Variants in LFNG observed in about 807,000 individuals in gnomAD.
The protein encoded by LFNG is LFNG O-fucosylpeptide 3-beta-N-acetylglucosaminyltransferase.
LFNG carries 15 observed loss-of-function variants against 32.7 expected under a neutral mutation model. The observed-to-expected ratio is 0.46, with a 90% confidence interval of 0.31 to 0.71. LFNG has a LOEUF of 0.71. LFNG is among the 30% of genes least tolerant of loss of function. The pLI is 0.06. For missense variants in LFNG, 520 were observed against 545.7 expected (o/e 0.95, Z 0.47); for synonymous variants, 274 against 246.8 (o/e 1.11, Z -1.03).
chr7:2,527,570 C>T lies in LFNG; in HGVS notation c.*358C>T, dbSNP rs1780031052. ...GGCTCCGGGCTACTTTGCAGGGATG[C>T]GATGCGTAGGTGCCTTTCTCTTCCT... On this transcript the variant is annotated 3_prime_UTR_variant, in exon 8 of 8. Coordinates refer to ENST00000222725, the MANE Select transcript of LFNG (RefSeq NM_001040167.2). The surrounding 1 kb of genome is among the most constrained non-coding windows in gnomAD (Gnocchi z 4.4). 1.1e-5 allele frequency: 13 copies of T among 1,225,530 alleles called. No homozygotes were observed. The South Asian group carries it at 1.3e-4, about 12-fold the overall frequency. 75.9% of individuals were successfully genotyped at this position (1,225,530 alleles called of 1,614,324 possible).
chr7:2,516,897 CG>C (rs1779640115), upstream of LFNG, among the ~76,000 whole-genome samples: 1 of 152,200 alleles, frequency 6.6e-6, no homozygotes, highest in African/African-American at 2.4e-5. Context: ...GTCTTAAAGC[CG>C]AGAAGTGGCC....
rs1184500750 is a variant in LFNG, at chr7:2,526,589, T to C, written c.987+180T>C. 6.6e-6 allele frequency among the ~76,000 whole-genome samples: 1 copy of C among 152,162 alleles called. No homozygotes were observed. Among genetic ancestry groups the C allele is most frequent in the Admixed American group, 6.5e-5 (1 of 15,284 alleles). ...CAAAGCTGTTTATGGCGGGTTGTTTTCCTGCCGTCTCTTCTCTTCACTGTG... is the reference window on the plus strand; with the variant it reads ...CAAAGCTGTTTATGGCGGGTTGTTTCCCTGCCGTCTCTTCTCTTCACTGTG... On this transcript the variant is annotated intron_variant, in intron 6 of 7. Coordinates refer to ENST00000222725, the MANE Select transcript of LFNG (RefSeq NM_001040167.2). This position sits in a 1 kb window ranked among gnomAD's most constrained non-coding sequence, Gnocchi z 6.9.
intron 1 of LFNG, among the ~76,000 whole-genome samples, chr7:2,522,381 C>A (rs942852462): frequency 6.6e-6 from 1 of 152,172 alleles, no homozygotes; most frequent in Non-Finnish European, 1.5e-5. Flanking sequence ...CAGCAGGGGC[C>A]GCGCTGAGAT....
chr7:2,519,086 C>G (rs994667911), upstream of LFNG, among the ~76,000 whole-genome samples: 4 of 152,190 alleles, frequency 2.6e-5, no homozygotes, highest in African/African-American at 9.6e-5. Context: ...CATGGGGCGC[C>G]TGAGGATTTC....
At chr7:2,517,703 G>A (rs762139939), upstream of LFNG, 14 of 475,078 alleles carry the variant, frequency 2.9e-5, no homozygotes, top group Admixed American at 3.0e-4. Context: ...CTGATGTAAA[G>A]TCCAGGTACA....
At chr7:2,513,410 T>C (rs1377497950), upstream of LFNG, 8 of 1,398,870 alleles carry the variant, frequency 5.7e-6, no homozygotes, top group Non-Finnish European at 7.7e-6. Flanking sequence ...TGCTGTATCG[T>C]CTTCCCTGAT....
downstream of LFNG, chr7:2,528,473 AGGGCAG>A: frequency 1.0e-6 from 1 of 979,538 alleles, no homozygotes; most frequent in Non-Finnish European, 1.2e-6. Flanking sequence ...CCTAAGCCCC[AGGGCAG>A]CCAGGGTCAG....
At chr7:2,518,734 G>A (rs1026907156), upstream of LFNG, 1 of 1,243,360 alleles carries the variant, frequency 8.0e-7, no homozygotes, top group Non-Finnish European at 1.1e-6. Context: ...TGCTTAGGAG[G>A]GCACGGGAAG....
At chr7:2,512,546 T>A (rs1227455941) in exon 1 of LFNG, 4 of 927,508 alleles carry the variant, frequency 4.3e-6, no homozygotes, top group Non-Finnish European at 5.1e-6. Context: ...GCTGCAACAC[T>A]GGCAGAGCCT....
At chr7:2,515,067 TGTCCATCCGTCCATCCATCCATCCATCC>T (rs1562548856), upstream of LFNG, among the ~76,000 whole-genome samples, 1 of 144,718 alleles carries the variant, frequency 6.9e-6, no homozygotes, top group South Asian at 2.2e-4. Context: ...TCCATCCATC[TGTCCATCCGTCCATCCATCCATCCATCC>T]GTCTGTCTGT....
In LFNG at chr7:2,527,564, GGGATGCGATGCGTA is replaced by G. The variant is rs1780030881; in HGVS notation, c.*355_*368del. On this transcript the variant is annotated 3_prime_UTR_variant, in exon 8 of 8. Transcript: ENST00000222725. This position sits in a 1 kb window ranked among gnomAD's most constrained non-coding sequence, Gnocchi z 4.4. ...CTACGGGGCTCCGGGCTACTTTGCAGGGATGCGATGCGTAGGTGCCTTTCTCTTCCTGCTGACCA... is the reference window on the plus strand; with the variant it reads ...CTACGGGGCTCCGGGCTACTTTGCAGGGTGCCTTTCTCTTCCTGCTGACCA... 1 of 1,236,408 alleles carries G rather than the reference GGGATGCGATGCGTA, an allele frequency of 8.1e-7. No homozygotes were observed. The highest frequency in any genetic ancestry group is 1.6e-5 in the South Asian group (1 of 63,034). The allele number at this position is 1,236,408 out of a possible 1,614,324, so 76.6% of individuals were successfully genotyped here. A position where few individuals can be genotyped will look rare whatever the true frequency, so the allele number is the denominator to read the frequency against.
At chr7:2,515,692 G>A (rs879682417), upstream of LFNG, among the ~76,000 whole-genome samples, 9 of 152,234 alleles carry the variant, frequency 5.9e-5, no homozygotes, top group Non-Finnish European at 1.3e-4. Context: ...GGCGGGTGAG[G>A]CACCAGCCAT....
intron 1 of LFNG, among the ~76,000 whole-genome samples, chr7:2,522,580 C>G (rs537318747): frequency 6.6e-6 from 1 of 152,206 alleles, no homozygotes; most frequent in East Asian, 1.9e-4. Context: ...CCGGCCCCCG[C>G]CCCCGTCCAC....
At chr7:2,513,244 G>A (rs1779533687), upstream of LFNG, 1 of 1,570,364 alleles carries the variant, frequency 6.4e-7, no homozygotes, top group Middle Eastern at 1.7e-4. Context: ...CGGACAGATG[G>A]ACAGATGGAT....
upstream of LFNG, chr7:2,518,554 A>G (rs2128374426): frequency 6.9e-7 from 1 of 1,458,112 alleles, no homozygotes; most frequent in Admixed American, 1.7e-5. Context: ...CCAGGTCTGA[A>G]TGACACCAGG....
downstream of LFNG, chr7:2,528,724 C>T (rs972210661): frequency 3.6e-6 from 2 of 548,792 alleles, no homozygotes; most frequent in African/African-American, 2.0e-5. Flanking sequence ...GCCAAAAGCA[C>T]AACCCCAAGG....
In LFNG at chr7:2,524,831, G is replaced by A. The variant is rs112273873; in HGVS notation, c.481+88G>A. ...TCCAGTCTCCCTGCCCCTCTGGGCC[G>A]AGAGGTCACCAAGGGCAGGACAGGG... On this transcript the variant is annotated intron_variant, in intron 2 of 7. Transcript: ENST00000222725. 1.9e-5 allele frequency: 24 copies of A among 1,279,614 alleles called. No homozygotes were observed. In the East Asian group the frequency reaches 2.0e-4, roughly 11 times the overall value. 79.3% of individuals were successfully genotyped at this position (1,279,614 alleles called of 1,614,324 possible). A position where few individuals can be genotyped will look rare whatever the true frequency, so the allele number is the denominator to read the frequency against.
rs747011634 is a variant in LFNG, at chr7:2,526,234, C to T, written c.822-10C>T. 1 of 1,612,664 alleles carries T rather than the reference C, an allele frequency of 6.2e-7. No homozygotes were observed. Among genetic ancestry groups the T allele is most frequent in the South Asian group, 1.1e-5 (1 of 91,082 alleles). On this transcript the variant is annotated splice_polypyrimidine_tract_variant and intron_variant, in intron 5 of 7. Coordinates refer to ENST00000222725, the MANE Select transcript of LFNG (RefSeq NM_001040167.2). The surrounding 1 kb of genome is among the most constrained non-coding windows in gnomAD (Gnocchi z 6.9). Reference sequence around the variant, plus strand: ...CTCTGCTCACTGGTCTGGGCCCTTCCCTCCCGCAGCGGGGGTCACTTCATG... The same window carrying T: ...CTCTGCTCACTGGTCTGGGCCCTTCTCTCCCGCAGCGGGGGTCACTTCATG...
chr7:2,526,435 G>GGACTCCGA lies in LFNG; in HGVS notation c.987+29_987+36dup, dbSNP rs1304390854. On this transcript the variant is annotated intron_variant, in intron 6 of 7. Transcript: ENST00000222725. The surrounding 1 kb of genome is among the most constrained non-coding windows in gnomAD (Gnocchi z 6.9). ...GTGCACCATCCTCCGGGCCCCGCCA[G>GGACTCCGA]GACTCCGAGAGCACAGGAAGGGACG... is the stretch of plus-strand genomic sequence containing the variant. The GGACTCCGA allele has an allele frequency of 5.6e-6, 9 of 1,602,424 alleles. No homozygotes were observed. Among genetic ancestry groups the GGACTCCGA allele is most frequent in the Non-Finnish European group, 6.8e-6 (8 of 1,179,640 alleles).
Sources: gnomAD v4.1 joint callset for allele counts (sites outside exome capture counted in the v4.1 genomes callset) on GRCh38, gnomAD v4.1.1 for gene constraint, Gnocchi (gnomAD v3.1) non-coding constraint, MANE v1.5 for transcripts, NCBI Gene and HGNC (gene_info 2026-07-23, HGNC 2026-07-21) for gene names.